Variants in NOX4 observed in about 807,000 individuals in gnomAD.
NOX4 encodes the protein kidney oxidase-1.
NOX4 carries 69 observed loss-of-function variants against 87.6 expected under a neutral mutation model. The observed-to-expected ratio is 0.79, with a 90% confidence interval of 0.65 to 0.96. The LOEUF is 0.96. Among genes scored for constraint, NOX4 ranks in the 40% least tolerant of loss-of-function variants. NOX4 has a pLI of 0.00. For synonymous variants in NOX4, 275 were observed against 238.2 expected, an observed-to-expected ratio of 1.15 and a Z score of -1.42; for missense variants, 680 against 681.5, an observed-to-expected ratio of 1.00 and a Z score of 0.02.
chr11:89,585,571 G>A, the NOX4 span, among the ~76,000 whole-genome samples: 2 of 152,144 alleles, frequency 1.3e-5, no homozygotes, highest in Admixed American at 6.6e-5. Context: ...AACAGCCACA[G>A]ACAATGTATA....
chr11:89,346,074 T>A (rs1946203519), intron 13 of NOX4, among the ~76,000 whole-genome samples: 1 of 152,194 alleles, frequency 6.6e-6, no homozygotes, highest in African/African-American at 2.4e-5. Context: ...GATAAATGAC[T>A]TCAGTAGTTT....
At chr11:89,402,650 A>G (rs1284990505) in intron 8 of NOX4, 108 bp from the exon 9 acceptor site, 2 of 836,596 alleles carry the variant, frequency 2.4e-6, no homozygotes, top group African/African-American at 1.7e-5. Flanking sequence ...TGCTAACTTT[A>G]CACAGCATTT....
At chr11:89,356,869 A>C (rs1055046575) in intron 12 of NOX4, among the ~76,000 whole-genome samples, 1 of 152,106 alleles carries the variant, frequency 6.6e-6, no homozygotes, top group African/African-American at 2.4e-5. Context: ...GGTTAATCAT[A>C]ATAACTCCCA....
the NOX4 span, chr11:89,548,850 T>G: frequency 6.6e-6 from 1 of 152,208 alleles, no homozygotes; most frequent in Non-Finnish European, 1.5e-5. Flanking sequence ...GCTGCTGTGT[T>G]TGCTATCTGG....
chr11:89,438,910 A>AAT (rs1944319029), intron 6 of NOX4, among the ~76,000 whole-genome samples: 2 of 61,406 alleles, frequency 3.3e-5, no homozygotes, highest in Non-Finnish European at 5.8e-5. Flanking sequence ...TATATAATAT[A>AAT]TAATATAAAA....
intron 11 of NOX4, 118 bp downstream of exon 11, chr11:89,399,899 T>C (rs1234969811): frequency 8.2e-6 from 5 of 609,958 alleles, no homozygotes; most frequent in Non-Finnish European, 1.4e-5. Context: ...ATAGCTTACT[T>C]AAACATCAAG....
At chr11:89,356,215 A>T (rs1440968905) in intron 12 of NOX4, among the ~76,000 whole-genome samples, 1 of 152,136 alleles carries the variant, frequency 6.6e-6, no homozygotes, top group Non-Finnish European at 1.5e-5. Context: ...GAAATAGGAG[A>T]GAAGCAAAAG....
At chr11:89,471,333 G>A (rs1945930680) in intron 2 of NOX4, among the ~76,000 whole-genome samples, 1 of 152,052 alleles carries the variant, frequency 6.6e-6, no homozygotes, top group South Asian at 2.1e-4. Context: ...AAATAAAATT[G>A]TTTCTAATAA....
In NOX4 at chr11:89,420,759, G is replaced by A. The variant is rs562994506; in HGVS notation, c.629+1143C>T. 5.3e-5 allele frequency among the ~76,000 whole-genome samples: 8 copies of A among 152,182 alleles called. 1 individual carries two copies. In the South Asian group the frequency reaches 1.7e-3, roughly 32 times the overall value. ...AACCTTTCTTCAAACTGTTTCCCTG[G>A]AAATATTTCAGGTTAAGAAAAATAG... On this transcript the variant is annotated intron_variant, in intron 8 of 17. Transcript: ENST00000263317.
At chr11:89,576,493 A>G in the NOX4 span, among the ~76,000 whole-genome samples, 5 of 152,210 alleles carry the variant, frequency 3.3e-5, no homozygotes, top group African/African-American at 1.2e-4. Flanking sequence ...AATCGTGGCT[A>G]TATTTTTCTT....
chr11:89,384,056 C>T (rs548118091), intron 11 of NOX4, among the ~76,000 whole-genome samples: 11 of 152,236 alleles, frequency 7.2e-5, no homozygotes, highest in South Asian at 4.2e-4. Context: ...TATAAACTCT[C>T]CTTACAATTC....
In NOX4 at chr11:89,326,550, AT is replaced by A. The variant is rs1945227013; in HGVS notation, c.*205del. Reference sequence around the variant, plus strand: ...TGAAAAGTGAATCATCACATCAAATATTCTTCAGGGTCTCTTTGGTTTCCAG... The same window carrying A: ...TGAAAAGTGAATCATCACATCAAATATCTTCAGGGTCTCTTTGGTTTCCAG... On this transcript the variant is annotated 3_prime_UTR_variant, in exon 18 of 18. Transcript: ENST00000263317. 1 of 411,086 alleles carries A rather than the reference AT, an allele frequency of 2.4e-6. No homozygotes were observed. Among genetic ancestry groups the A allele is most frequent in the East Asian group, 4.2e-5 (1 of 24,096 alleles). The allele number at this position is 411,086 out of a possible 1,614,324, so 25.5% of individuals were successfully genotyped here. A position where few individuals can be genotyped will look rare whatever the true frequency, so the allele number is the denominator to read the frequency against.
chr11:89,467,884 T>C (rs1449042071), intron 2 of NOX4, among the ~76,000 whole-genome samples: 1 of 152,194 alleles, frequency 6.6e-6, no homozygotes, highest in Non-Finnish European at 1.5e-5. Context: ...ATTTTGGCAA[T>C]TACATTACTT....
the NOX4 span, chr11:89,577,074 C>T: frequency 6.6e-6 from 1 of 152,054 alleles, no homozygotes; most frequent in African/African-American, 2.4e-5. Context: ...GTCCCAATTT[C>T]TTTTCTTCTG....
At chr11:89,452,619 A>G (rs1945014389) in intron 2 of NOX4, among the ~76,000 whole-genome samples, 1 of 152,138 alleles carries the variant, frequency 6.6e-6, no homozygotes. Flanking sequence ...ATGTTTTAAT[A>G]CATGTATGCA....
chr11:89,453,057 T>C (rs759003267), intron 2 of NOX4, among the ~76,000 whole-genome samples: 1 of 152,110 alleles, frequency 6.6e-6, no homozygotes, highest in South Asian at 2.1e-4. Context: ...AAATAAAAAA[T>C]TAAAATTAAA....
At chr11:89,338,312 T>A (rs1945816391) in intron 15 of NOX4, among the ~76,000 whole-genome samples, 1 of 152,138 alleles carries the variant, frequency 6.6e-6, no homozygotes, top group Non-Finnish European at 1.5e-5. Context: ...CCATGTACTA[T>A]GTGTCATAAT....
upstream of NOX4, among the ~76,000 whole-genome samples, chr11:89,495,676 G>C (rs1271800512): frequency 6.6e-6 from 1 of 152,084 alleles, no homozygotes; most frequent in African/African-American, 2.4e-5. Flanking sequence ...GATTGGATAT[G>C]CTAGCCTTAG....
At chr11:89,382,809 A>C (rs1940395636) in intron 11 of NOX4, among the ~76,000 whole-genome samples, 2 of 152,082 alleles carry the variant, frequency 1.3e-5, no homozygotes. Context: ...TTCCTCTTAA[A>C]AAGGTGGCTG....
Sources: gnomAD v4.1 joint callset for allele counts (sites outside exome capture counted in the v4.1 genomes callset) on GRCh38, gnomAD v4.1.1 for gene constraint, MANE v1.5 for transcripts, NCBI Gene and HGNC (gene_info 2026-07-23, HGNC 2026-07-21) for gene names.